XKR7: variants seen among roughly 807,000 people sequenced by gnomAD.
XKR7 encodes XK related 7, also known as XK-related protein 7.
Under a neutral mutation model 42.2 loss-of-function variants are expected in XKR7, and 11 were observed. The observed-to-expected ratio is 0.26, with a 90% CI of 0.16 to 0.43. The LOEUF is 0.43. Ranked by LOEUF, XKR7 falls within the 20% of genes least tolerant of loss-of-function variation. The pLI, the probability that XKR7 is intolerant of heterozygous loss-of-function variation, is 1.00. For missense variants in XKR7, 710 were observed against 802.2 expected, an observed-to-expected ratio of 0.89 and a Z score of 1.39; for synonymous variants, 346 against 366.4, an observed-to-expected ratio of 0.94 and a Z score of 0.64.
At position 31,996,685 on chromosome 20, in the gene XKR7, T is replaced by C. The variant is rs2064593793; in HGVS notation, c.968T>C (p.Val323Ala). 1.2e-6 allele frequency: 2 copies of C among 1,609,084 alleles called. No homozygotes were observed. The highest frequency in any genetic ancestry group is 1.7e-6 in the Non-Finnish European group (2 of 1,177,084). Residue 323 changes from valine to alanine, a missense_variant, in exon 3 of 3, where the codon GTC (valine) becomes GCC (alanine). Val to Ala is a moderately conservative substitution (Grantham distance 64, BLOSUM62 0). Transcript: ENST00000562532. Reference sequence around the variant, plus strand: ...CTGGCCTTCGCGCTCTTCGCCAGCGTCTACAAGCTCTATTTTGGCATCTTC... The same window carrying C: ...CTGGCCTTCGCGCTCTTCGCCAGCGCCTACAAGCTCTATTTTGGCATCTTC... ...RGLAFALFASVYKLYFGIFIV... is the reference protein window; with the variant it reads ...RGLAFALFASAYKLYFGIFIV...
chr20:31,995,347 T>A lies in XKR7; in HGVS notation c.787+77T>A. ...CTCCCTGCTTCAGGCTCCCTGGGGA[T>A]GCCCTGTGGGCTTCCCCACCCCAGC... On this transcript the variant is annotated intron_variant, in intron 2 of 2. Coordinates refer to ENST00000562532, the MANE Select transcript of XKR7 (RefSeq NM_001011718.2). This position sits in a 1 kb window ranked among gnomAD's most constrained non-coding sequence, Gnocchi z 4.1. 6.6e-7 allele frequency: 1 copy of A among 1,526,352 alleles called. No homozygotes were observed. The allele number at this position is 1,526,352 out of a possible 1,614,324, so 94.6% of individuals were successfully genotyped here.
chr20:31,990,864 G>T (rs2064567448), intron 1 of XKR7, among the ~76,000 whole-genome samples: 1 of 152,146 alleles, frequency 6.6e-6, no homozygotes, highest in Non-Finnish European at 1.5e-5. Context: ...CTGGCTGGAA[G>T]GAACAGCCAC....
At chr20:31,981,090 G>T (rs1282743086) in intron 1 of XKR7, among the ~76,000 whole-genome samples, 8 of 148,930 alleles carry the variant, frequency 5.4e-5, no homozygotes, top group African/African-American at 2.0e-4. Flanking sequence ...AAATGGCCAG[G>T]TGCTGTGGCT....
Position 32,001,807 on chromosome 20 carries a change from C to T in XKR7, c.*4350C>T, listed in dbSNP as rs1055198095. The T allele has an allele frequency of 2.0e-5, 3 of 152,276 alleles. No homozygotes were observed. The highest frequency in any genetic ancestry group is 2.9e-5 in the Non-Finnish European group (2 of 68,110). The allele number at this position is 152,276 out of a possible 1,614,324, so 9.4% of individuals were successfully genotyped here. On this transcript the variant is annotated 3_prime_UTR_variant, in exon 3 of 3. Transcript: ENST00000562532. ...GTGCTGGCCCCTGCCACCTTTGGCA[C>T]CTGTCTCCCTCCCAGTTCAAGCTGT...
In XKR7 at chr20:31,997,455, T is replaced by A; in HGVS notation, c.1738T>A (p.Ter580LysextTer13). 6.3e-7 allele frequency: 1 copy of A among 1,589,388 alleles called. No individual in the cohort carries two copies. Among genetic ancestry groups the A allele is most frequent in the Non-Finnish European group, 8.5e-7 (1 of 1,173,882 alleles). Residue 580 changes from the stop codon to lysine (K), a stop_lost, in exon 3 of 3, where the codon TAG becomes AAG. Coordinates refer to ENST00000562532, the MANE Select transcript of XKR7 (RefSeq NM_001011718.2). Reference sequence around the variant, plus strand: ...GCTGCTGGAGTATGAGACCACAGTGTAGGCTACAGTGTCCCAGCACAAAAG... The same window carrying A: ...GCTGCTGGAGTATGAGACCACAGTGAAGGCTACAGTGTCCCAGCACAAAAG... ...QELLEYETTV[*>K]
intron 1 of XKR7, among the ~76,000 whole-genome samples, chr20:31,989,208 G>C (rs2064557043): frequency 6.6e-6 from 1 of 152,118 alleles, no homozygotes; most frequent in Admixed American, 6.5e-5. Context: ...ATCTGGGAAA[G>C]GGGTATTCCA....
chr20:31,988,285 C>A (rs1333104061), intron 1 of XKR7, among the ~76,000 whole-genome samples: 2 of 152,142 alleles, frequency 1.3e-5, no homozygotes, highest in Admixed American at 6.5e-5. Context: ...TAGAGAGCAG[C>A]CCCCAAACTC....
chr20:31,996,516 T>G lies in XKR7; in HGVS notation c.799T>G (p.Ser267Ala). The G allele has an allele frequency of 1.1e-6, 1 of 947,044 alleles. No homozygotes were observed. The allele number at this position is 947,044 out of a possible 1,614,324, so 58.7% of individuals were successfully genotyped here. A position where few individuals can be genotyped will look rare whatever the true frequency, so the allele number is the denominator to read the frequency against. Residue 267 changes from serine to alanine, a missense_variant, in exon 3 of 3, where the codon TCC (serine) becomes GCC (alanine). This residue lies in a region of XKR7 where 708 missense variants were observed against 786.2 expected (regional missense o/e 0.90). Coordinates refer to ENST00000562532, the MANE Select transcript of XKR7 (RefSeq NM_001011718.2). ...CCCTGTCTCCACAGCCCTCTCCACCTCCGCCTCCCTCGTGTCTCTGGCCTG... is the reference window on the plus strand; with the variant it reads ...CCCTGTCTCCACAGCCCTCTCCACCGCCGCCTCCCTCGTGTCTCTGGCCTG... The part of the protein sequence containing the change: ...APDLLPALST[S>A]ASLVSLAWTL...
At chr20:31,989,378 G>A (rs946901189) in intron 1 of XKR7, among the ~76,000 whole-genome samples, 1 of 152,126 alleles carries the variant, frequency 6.6e-6, no homozygotes, top group Non-Finnish European at 1.5e-5. Context: ...CCTGCACGCC[G>A]AGGGGAGAAG....
Position 31,998,951 on chromosome 20 carries a change from G to A in XKR7, c.*1494G>A, listed in dbSNP as rs2064610244. ...TAGGACAGCCAGTGCTGGATTGAGG[G>A]GGCGTATGGGAGAGGGGAAGTAGGC... On this transcript the variant is annotated 3_prime_UTR_variant, in exon 3 of 3. Coordinates refer to ENST00000562532, the MANE Select transcript of XKR7 (RefSeq NM_001011718.2). 1 of 152,330 alleles carries A rather than the reference G, an allele frequency of 6.6e-6. No individual in the cohort carries two copies. Among genetic ancestry groups the A allele is most frequent in the South Asian group, 2.1e-4 (1 of 4,832 alleles). 9.4% of individuals were successfully genotyped at this position (152,330 alleles called of 1,614,324 possible). A position where few individuals can be genotyped will look rare whatever the true frequency, so the allele number is the denominator to read the frequency against.
intron 1 of XKR7, among the ~76,000 whole-genome samples, chr20:31,986,494 A>G (rs1407820887): frequency 3.4e-5 from 4 of 119,070 alleles, no homozygotes; most frequent in African/African-American, 6.7e-5. Flanking sequence ...ACCACTAAAC[A>G]GATCCAGTAT....
chr20:31,990,851 G>A (rs909174851), intron 1 of XKR7, among the ~76,000 whole-genome samples: 9 of 151,780 alleles, frequency 5.9e-5, no homozygotes, highest in South Asian at 2.1e-4. Context: ...AGAGCTTTTC[G>A]TGCTGGCTGG....
In XKR7 at chr20:31,999,311, T is replaced by A. The variant is rs973182825; in HGVS notation, c.*1854T>A. The A allele has an allele frequency of 6.6e-6, 1 of 152,078 alleles. No homozygotes were observed. 9.4% of individuals were successfully genotyped at this position (152,078 alleles called of 1,614,324 possible). On this transcript the variant is annotated 3_prime_UTR_variant, in exon 3 of 3. Coordinates refer to ENST00000562532, the MANE Select transcript of XKR7 (RefSeq NM_001011718.2). ...ATGGGTAATGATGAATTGCTGGGGATGCAGGGTAACCCCAAAGGCAGGGAG... is the reference window on the plus strand; with the variant it reads ...ATGGGTAATGATGAATTGCTGGGGAAGCAGGGTAACCCCAAAGGCAGGGAG...
intron 1 of XKR7, among the ~76,000 whole-genome samples, chr20:31,993,420 A>C (rs1200364025): frequency 6.6e-6 from 1 of 152,146 alleles, no homozygotes; most frequent in Non-Finnish European, 1.5e-5. Flanking sequence ...CCTCACCGCC[A>C]CTTTGGGAGG....
chr20:31,986,103 G>A (rs533974693), intron 1 of XKR7, among the ~76,000 whole-genome samples: 80 of 148,474 alleles, frequency 5.4e-4, no homozygotes, highest in African/African-American at 1.9e-3. Flanking sequence ...CCAAGACACA[G>A]ACAGACCACC....
rs763261011 is a variant in XKR7 at position 31,988,398 on chromosome 20, A to G, written c.585-6670A>G. ...CATTTCTCGATCCTGCCACCTGTTC[A>G]CAGAGGCAGTGGGGTTCAGAAGAGA... On this transcript the variant is annotated intron_variant, in intron 1 of 2. Transcript: ENST00000562532. 1.6e-4 allele frequency among the ~76,000 whole-genome samples: 25 copies of G among 152,264 alleles called. 1 individual carries two copies. The highest frequency in any genetic ancestry group is 3.2e-4 in the Non-Finnish European group (22 of 68,012).
Position 31,996,835 on chromosome 20 carries a change from T to G in XKR7, c.1118T>G (p.Phe373Cys), listed in dbSNP as rs2064594638. ...VVGIIYIFCW[F>C]NVKEGRSRRR... ...GGCATCATCTACATCTTCTGCTGGT[T>G]CAACGTCAAGGAGGGCCGCAGCCGC... Residue 373 changes from phenylalanine (F) to cysteine (C), a missense_variant, in exon 3 of 3, where the codon TTC (phenylalanine) becomes TGC (cysteine). Phe to Cys is a radical substitution (Grantham distance 205). This residue lies in a region of XKR7 where 708 missense variants were observed against 786.2 expected (regional missense o/e 0.90). Coordinates refer to ENST00000562532, the MANE Select transcript of XKR7 (RefSeq NM_001011718.2). 6.2e-7 allele frequency: 1 copy of G among 1,613,718 alleles called. No homozygotes were observed. Among genetic ancestry groups the G allele is most frequent in the African/African-American group, 1.3e-5 (1 of 74,916 alleles).
chr20:31,977,434 T>A (rs1005728767), intron 1 of XKR7, among the ~76,000 whole-genome samples: 1 of 152,176 alleles, frequency 6.6e-6, no homozygotes, highest in Non-Finnish European at 1.5e-5. Context: ...CCTAGTTGCG[T>A]GACCCTGGGG....
intron 1 of XKR7, among the ~76,000 whole-genome samples, chr20:31,969,459 A>G (rs2064454190): frequency 6.6e-6 from 1 of 152,214 alleles, no homozygotes; most frequent in Non-Finnish European, 1.5e-5. Context: ...CTGGTAAGGC[A>G]AAACTGAGGC....
Sources: gnomAD v4.1 joint callset for allele counts (sites outside exome capture counted in the v4.1 genomes callset) on GRCh38, gnomAD v4.1.1 for gene constraint, gnomAD v4.1.1 regional missense constraint, Gnocchi (gnomAD v3.1) non-coding constraint, MANE v1.5 for transcripts, NCBI Gene and HGNC (gene_info 2026-07-23, HGNC 2026-07-21) for gene names.